The following BARHL1 variants were observed in gnomAD, a reference collection of about 807,000 sequenced individuals.
BARHL1 encodes the protein BarH like homeobox 1.
A neutral mutation model predicts 20.1 loss-of-function variants in BARHL1; 2 were observed. The ratio of observed to expected loss-of-function variants is 0.10; its 90% CI spans 0.04 to 0.31. The LOEUF (loss-of-function observed/expected upper bound fraction) is 0.31, where lower values mean the gene tolerates loss of function less well. BARHL1 is among the 10% of genes least tolerant of loss of function. The probability of loss-of-function intolerance (pLI) is 1.00; values close to 1 mark genes in which losing one functional copy is unlikely to be tolerated. For synonymous variants in BARHL1, 213 were observed against 209.9 expected, an observed-to-expected ratio of 1.01 and a Z score of -0.13; for missense variants, 397 against 454.0, an observed-to-expected ratio of 0.87 and a Z score of 1.14.
Position 132,582,770 on chromosome 9 carries a change from T to C in BARHL1, c.-28T>C, listed in dbSNP as rs779484217. Reference sequence around the variant, plus strand: ...TGGGGTTGGGGGTGGGTGGGGAGCTTTTGGGGAGGACAGGTCGCAGCTTGG... The same window carrying C: ...TGGGGTTGGGGGTGGGTGGGGAGCTCTTGGGGAGGACAGGTCGCAGCTTGG... On this transcript the variant is annotated 5_prime_UTR_variant, in exon 1 of 3. Coordinates refer to ENST00000263610, the MANE Select transcript of BARHL1 (RefSeq NM_020064.4). The C allele has an allele frequency of 6.5e-7, 1 of 1,542,808 alleles. No homozygotes were observed. Among genetic ancestry groups the C allele is most frequent in the Non-Finnish European group, 8.8e-7 (1 of 1,136,394 alleles).
chr9:132,588,295 G>A (rs1830165446), intron 2 of BARHL1, among the ~76,000 whole-genome samples: 1 of 152,066 alleles, frequency 6.6e-6, no homozygotes, highest in African/African-American at 2.4e-5. Context: ...CGCACGCTCA[G>A]CCCCACAGTC....
At chr9:132,586,042 G>C (rs902143864) in intron 1 of BARHL1, among the ~76,000 whole-genome samples, 1 of 152,244 alleles carries the variant, frequency 6.6e-6, no homozygotes, top group Non-Finnish European at 1.5e-5. Context: ...AGAGCCTGGT[G>C]CCAGCCTGGA....
Position 132,589,351 on chromosome 9 carries a change from G to T in BARHL1, c.813G>T (p.Leu271=). 2.5e-6 allele frequency: 4 copies of T among 1,613,426 alleles called. No individual in the cohort carries two copies. The highest frequency in any genetic ancestry group is 3.4e-6 in the Non-Finnish European group (4 of 1,179,974). The stretch of plus-strand genomic sequence containing the variant: ...ACCCGCAGAGTCTGGTTTCCAACCT[G>T]GACCCCGGCGCGGCGCTCTACCTGT... ...YFYPQSLVSN[L]DPGAALYLYR... The change falls in exon 3 of 3, where the codon CTG becomes CTT. Residue 271 remains leucine (L), a synonymous_variant. Coordinates refer to ENST00000263610, the MANE Select transcript of BARHL1 (RefSeq NM_020064.4).
At chr9:132,588,572 C>T (rs1000371685) in intron 2 of BARHL1, among the ~76,000 whole-genome samples, 2 of 152,078 alleles carry the variant, frequency 1.3e-5, no homozygotes. Context: ...TTCTCCAAAC[C>T]CCAGGCCGTT....
At position 132,589,328 on chromosome 9, in the gene BARHL1, C is replaced by T; in HGVS notation, c.790C>T (p.Pro264Ser). Residue 264 changes from proline to serine, a missense_variant, in exon 3 of 3, where the codon CCG (proline) becomes TCG (serine). This residue lies in a region of BARHL1 where 121 missense variants were observed against 135.9 expected (regional missense o/e 0.89). Coordinates refer to ENST00000263610, the MANE Select transcript of BARHL1 (RefSeq NM_020064.4). Reference sequence around the variant, plus strand: ...GATGTTCCCGTCGCCTTATTTCTACCCGCAGAGTCTGGTTTCCAACCTGGA... The same window carrying T: ...GATGTTCCCGTCGCCTTATTTCTACTCGCAGAGTCTGGTTTCCAACCTGGA... Reference protein sequence around the residue: ...QRMFPSPYFYPQSLVSNLDPG... With the variant: ...QRMFPSPYFYSQSLVSNLDPG... 3 of 1,613,624 alleles carry T rather than the reference C, an allele frequency of 1.9e-6. No individual in the cohort carries two copies. Among genetic ancestry groups the T allele is most frequent in the Non-Finnish European group, 2.5e-6 (3 of 1,180,000 alleles).
chr9:132,583,740 C>T (rs539410108), intron 1 of BARHL1, among the ~76,000 whole-genome samples: 261 of 152,332 alleles, frequency 1.7e-3, no homozygotes, highest in Middle Eastern at 3.4e-3. Context: ...CATTTCCAGA[C>T]AGGAAGAAAA....
rs371655690 is a variant in BARHL1, at chr9:132,587,344, A to T, written c.482A>T (p.Asp161Val). Residue 161 changes from aspartate to valine, a missense_variant, in exon 2 of 3, where the codon GAC becomes GTC. This residue lies in a region of BARHL1 where 272 missense variants were observed against 298.7 expected (regional missense o/e 0.91). Transcript: ENST00000263610. The surrounding 1 kb of genome is among the most constrained non-coding windows in gnomAD (Gnocchi z 5.5). ...GTGTCCGCAGTGAAGGAGGAGGGCG[A>T]CCGCGAGATCTCCAGCTCCAGGGAC... ...DSEYKVKEEG[D>V]REISSSRDSP... 4 of 1,605,494 alleles carry T rather than the reference A, an allele frequency of 2.5e-6. No homozygotes were observed. The African/African-American group carries it at 5.4e-5, about 21-fold the overall frequency.
rs1329714512 is a variant in BARHL1 at position 132,582,952 on chromosome 9, C to T, written c.155C>T (p.Ala52Val). ...AGCAGCAGCGACTGCTCTTCGCCAG[C>T]CTCTCCAGGAAGGGACTGTTTGGAG... ...SESSSDCSSP[A>V]SPGRDCLETG... The change falls in exon 1 of 3, where the codon GCC (alanine) becomes GTC (valine). Residue 52 changes from alanine to valine, a missense_variant. This residue lies in a region of BARHL1 where 272 missense variants were observed against 298.7 expected (regional missense o/e 0.91). Coordinates refer to ENST00000263610, the MANE Select transcript of BARHL1 (RefSeq NM_020064.4). 5 of 1,613,896 alleles carry T rather than the reference C, an allele frequency of 3.1e-6. No homozygotes were observed. The highest frequency in any genetic ancestry group is 4.2e-6 in the Non-Finnish European group (5 of 1,179,962).
At chr9:132,583,769 A>G (rs1215264058) in intron 1 of BARHL1, among the ~76,000 whole-genome samples, 1 of 152,164 alleles carries the variant, frequency 6.6e-6, no homozygotes, top group Non-Finnish European at 1.5e-5. Flanking sequence ...TTTCCTCCCA[A>G]TGGGCCCAGT....
At chr9:132,585,065 A>G (rs1230318869) in intron 1 of BARHL1, among the ~76,000 whole-genome samples, 1 of 152,146 alleles carries the variant, frequency 6.6e-6, no homozygotes, top group Admixed American at 6.5e-5. Flanking sequence ...GATTTTGAGG[A>G]CAGGTTTCGT....
At position 132,587,503 on chromosome 9, in the gene BARHL1, C is replaced by T. The variant is rs1240260230; in HGVS notation, c.641C>T (p.Ser214Leu). The change falls in exon 2 of 3, where the codon TCG (serine) becomes TTG (leucine). Residue 214 changes from serine (S) to leucine (L), a missense_variant. Physicochemically the swap from Ser to Leu is moderately radical, Grantham distance 145. Coordinates refer to ENST00000263610, the MANE Select transcript of BARHL1 (RefSeq NM_020064.4). The surrounding 1 kb of genome is among the most constrained non-coding windows in gnomAD (Gnocchi z 5.5). ...CAGGACCGCATGGAGCTCGCCGCCT[C>T]GCTCAACCTCACCGACACGCAGGTC... ...SVQDRMELAASLNLTDTQVKT... is the reference protein window; with the variant it reads ...SVQDRMELAALLNLTDTQVKT... 1.2e-6 allele frequency: 2 copies of T among 1,612,630 alleles called. No individual in the cohort carries two copies. The highest frequency in any genetic ancestry group is 1.1e-5 in the South Asian group (1 of 90,802).
chr9:132,589,699 C>A lies in BARHL1; in HGVS notation c.*177C>A. 1 of 880,504 alleles carries A rather than the reference C, an allele frequency of 1.1e-6. No individual in the cohort carries two copies. The allele number at this position is 880,504 out of a possible 1,614,324, so 54.5% of individuals were successfully genotyped here. Reference sequence around the variant, plus strand: ...ATGCCAAGTCCACTGAGGCCCGGACCCCGGACTGCGTCTCCCCAGCCCCCC... The same window carrying A: ...ATGCCAAGTCCACTGAGGCCCGGACACCGGACTGCGTCTCCCCAGCCCCCC... On this transcript the variant is annotated 3_prime_UTR_variant, in exon 3 of 3. Coordinates refer to ENST00000263610, the MANE Select transcript of BARHL1 (RefSeq NM_020064.4).
chr9:132,589,148 G>A, intron 2 of BARHL1, 80 bp from the exon 3 acceptor site: 1 of 1,522,618 alleles, frequency 6.6e-7, no homozygotes, highest in Non-Finnish European at 8.8e-7. Flanking sequence ...CAGGCTCTCT[G>A]GGCCAAGCAG....
rs1389534969 is a variant in BARHL1, at chr9:132,589,712, TC to T, written c.*194del. 5 of 761,774 alleles carry T rather than the reference TC, an allele frequency of 6.6e-6. No homozygotes were observed. Among genetic ancestry groups the T allele is most frequent in the Admixed American group, 4.6e-5 (1 of 21,776 alleles). 47.2% of individuals were successfully genotyped at this position (761,774 alleles called of 1,614,324 possible). ...TGAGGCCCGGACCCCGGACTGCGTC[TC>T]CCCAGCCCCCCTCGGCGTCCTCTCT... is the stretch of plus-strand genomic sequence containing the variant. On this transcript the variant is annotated 3_prime_UTR_variant, in exon 3 of 3. Transcript: ENST00000263610.
rs1830087077 is a variant in BARHL1 at position 132,582,706 on chromosome 9, C to G, written c.-92C>G. 8.1e-7 allele frequency: 1 copy of G among 1,239,718 alleles called. No individual in the cohort carries two copies. Among genetic ancestry groups the G allele is most frequent in the Non-Finnish European group, 1.1e-6 (1 of 898,092 alleles). The allele number at this position is 1,239,718 out of a possible 1,614,324, so 76.8% of individuals were successfully genotyped here. A position where few individuals can be genotyped will look rare whatever the true frequency, so the allele number is the denominator to read the frequency against. ...CCCGCAGGCTCCCTGCCCGCCTTCC[C>G]CATGCCAGCCCGCAGCTAGGGGCAG... On this transcript the variant is annotated 5_prime_UTR_variant, in exon 1 of 3. Coordinates refer to ENST00000263610, the MANE Select transcript of BARHL1 (RefSeq NM_020064.4).
rs1011639135 is a variant in BARHL1, at chr9:132,587,127, C to G, written c.467-202C>G. ...CCGGGGGGTCTCGGCCTCGGGCGCT[C>G]CCGCCGCCGTCCTGTTCCCCTCAGG... On this transcript the variant is annotated intron_variant, in intron 1 of 2. Transcript: ENST00000263610. This position sits in a 1 kb window ranked among gnomAD's most constrained non-coding sequence, Gnocchi z 5.5. 1.1e-4 allele frequency among the ~76,000 whole-genome samples: 17 copies of G among 152,342 alleles called. No homozygotes were observed. Among genetic ancestry groups the G allele is most frequent in the Non-Finnish European group, 2.2e-4 (15 of 68,030 alleles).
chr9:132,589,505 G>A lies in BARHL1; in HGVS notation c.967G>A (p.Ala323Thr), dbSNP rs1004936624. 3.4e-5 allele frequency: 47 copies of A among 1,387,736 alleles called. No homozygotes were observed. Among genetic ancestry groups the A allele is most frequent in the Non-Finnish European group, 4.2e-5 (45 of 1,074,698 alleles). 86.0% of individuals were successfully genotyped at this position (1,387,736 alleles called of 1,614,324 possible). Reference protein sequence around the residue: ...LPPLAGVLPRAAQPR With the variant: ...LPPLAGVLPRTAQPR ...CCCCCTGGCCGGCGTCCTCCCACGC[G>A]CCGCGCAGCCTCGGTGAGGCGCCCG... Residue 323 changes from alanine (A) to threonine (T), a missense_variant, in exon 3 of 3, where the codon GCC (alanine) becomes ACC (threonine). Transcript: ENST00000263610.
At chr9:132,588,367 C>A (rs191188958) in intron 2 of BARHL1, among the ~76,000 whole-genome samples, 2 of 152,140 alleles carry the variant, frequency 1.3e-5, no homozygotes, top group Admixed American at 1.3e-4. Flanking sequence ...CAGAACACAT[C>A]GCCCCATTAA....
At chr9:132,584,458 T>A (rs1050659730) in intron 1 of BARHL1, among the ~76,000 whole-genome samples, 9 of 152,102 alleles carry the variant, frequency 5.9e-5, no homozygotes, top group African/African-American at 2.2e-4. Context: ...GCAACTTCTT[T>A]ATTGTCTTGC....
Sources: gnomAD v4.1 joint callset for allele counts (sites outside exome capture counted in the v4.1 genomes callset) on GRCh38, gnomAD v4.1.1 for gene constraint, gnomAD v4.1.1 regional missense constraint, Gnocchi (gnomAD v3.1) non-coding constraint, MANE v1.5 for transcripts, NCBI Gene and HGNC (gene_info 2026-07-23, HGNC 2026-07-21) for gene names.